Variants in AGBL1 observed in about 807,000 individuals in gnomAD.
AGBL1 encodes the protein AGBL carboxypeptidase 1.
A neutral mutation model predicts 118.9 loss-of-function variants in AGBL1; 130 were observed. That is an observed-to-expected ratio of 1.09 (90% CI 0.95 to 1.26). The LOEUF is 1.26. Ranked by LOEUF, AGBL1 falls within the 50% of genes most tolerant of loss-of-function variation. AGBL1 has a pLI of 0.00. For missense variants in AGBL1, 1,584 were observed against 1,298.1 expected (o/e 1.22, Z -3.38); for synonymous variants, 555 against 478.9 (o/e 1.16, Z -2.08).
intron 19 of AGBL1, 100 bp from the exon 20 acceptor site, chr15:86,545,902 T>C: frequency 7.1e-7 from 1 of 1,413,646 alleles, no homozygotes; most frequent in Non-Finnish European, 9.6e-7. Flanking sequence ...CATTGTAAAC[T>C]TTCTTTGAGC....
intron 22 of AGBL1, among the ~76,000 whole-genome samples, chr15:86,698,461 C>G (rs1028041690): frequency 2.6e-5 from 4 of 151,986 alleles, no homozygotes; most frequent in Non-Finnish European, 5.9e-5. Flanking sequence ...TTTCCCTTCC[C>G]TATACCATGC....
intron 21 of AGBL1, among the ~76,000 whole-genome samples, chr15:86,600,747 T>G (rs1193789365): frequency 6.6e-6 from 1 of 151,810 alleles, no homozygotes; most frequent in East Asian, 1.9e-4. Context: ...CCAAAACAAT[T>G]CCCGAATCTG....
chr15:86,254,369 G>C (rs2078862289), intron 7 of AGBL1, among the ~76,000 whole-genome samples: 1 of 152,200 alleles, frequency 6.6e-6, no homozygotes, highest in South Asian at 2.1e-4. Flanking sequence ...GTATTAATTT[G>C]CCACGGTTAT....
At chr15:86,947,890 ACTGCTAT>A (rs1477622512) in intron 23 of AGBL1, among the ~76,000 whole-genome samples, 1 of 152,180 alleles carries the variant, frequency 6.6e-6, no homozygotes, top group Non-Finnish European at 1.5e-5. Flanking sequence ...TTTCTGCTAT[ACTGCTAT>A]CTGCTATACT....
intron 24 of AGBL1, among the ~76,000 whole-genome samples, chr15:87,012,198 C>T (rs942418799): frequency 1.7e-5 from 2 of 120,054 alleles, no homozygotes; most frequent in Non-Finnish European, 3.3e-5. Context: ...TTTATACACA[C>T]ACACACACAC....
chr15:86,729,736 A>T (rs1198122180), intron 22 of AGBL1, among the ~76,000 whole-genome samples: 1 of 152,182 alleles, frequency 6.6e-6, no homozygotes, highest in Non-Finnish European at 1.5e-5. Flanking sequence ...CAATGAACAT[A>T]TGAGTGCATG....
At chr15:86,503,608 A>G (rs907709739) in intron 18 of AGBL1, among the ~76,000 whole-genome samples, 2 of 151,220 alleles carry the variant, frequency 1.3e-5, no homozygotes, top group Non-Finnish European at 3.0e-5. Flanking sequence ...GTTTTATCCT[A>G]TAAGGTTTGG....
In AGBL1 at chr15:86,292,592, C is replaced by T. The variant is rs113507979; in HGVS notation, c.2221-2663C>T. ...GGAGAAAGAATGGGACAGAGTCTTA[C>T]TAGTGTCTCAAAGGGCAGAGGGCAA... On this transcript the variant is annotated intron_variant, in intron 16 of 22. Coordinates refer to ENST00000614907, the MANE Select transcript of AGBL1 (RefSeq NM_001386094.1). Among the ~76,000 whole-genome samples the T allele has an allele frequency of 9.1e-4, 138 of 152,256 alleles. 1 individual carries two copies. Among genetic ancestry groups the T allele is most frequent in the African/African-American group, 2.4e-3 (99 of 41,546 alleles).
At chr15:86,731,798 A>G (rs775502082) in intron 22 of AGBL1, among the ~76,000 whole-genome samples, 1 of 152,228 alleles carries the variant, frequency 6.6e-6, no homozygotes, top group Non-Finnish European at 1.5e-5. Flanking sequence ...CTTATGTGTA[A>G]GGCAGCAGCT....
intron 21 of AGBL1, among the ~76,000 whole-genome samples, chr15:86,640,622 C>T (rs1206069344): frequency 1.3e-5 from 2 of 151,942 alleles, no homozygotes; most frequent in South Asian, 4.2e-4. Context: ...CAAGTTTAAC[C>T]ATTTCTCTAC....
intron 19 of AGBL1, among the ~76,000 whole-genome samples, chr15:86,534,277 G>C (rs890140328): frequency 1.3e-5 from 2 of 152,148 alleles, no homozygotes; most frequent in Non-Finnish European, 2.9e-5. Context: ...ATGAAGGGTT[G>C]AGTCATTTTC....
intron 22 of AGBL1, among the ~76,000 whole-genome samples, chr15:86,800,356 T>C (rs1203082627): frequency 6.6e-6 from 1 of 152,154 alleles, no homozygotes; most frequent in Non-Finnish European, 1.5e-5. Context: ...ATTTGTGTTT[T>C]TGTATTTGTG....
chr15:86,559,884 A>C (rs1030723921), intron 21 of AGBL1, among the ~76,000 whole-genome samples: 2 of 152,134 alleles, frequency 1.3e-5, no homozygotes, highest in Admixed American at 1.3e-4. Flanking sequence ...TGGAAGCAGG[A>C]GACCCACCTT....
At chr15:86,758,148 C>A (rs781661353) in intron 22 of AGBL1, among the ~76,000 whole-genome samples, 1 of 152,062 alleles carries the variant, frequency 6.6e-6, no homozygotes, top group Non-Finnish European at 1.5e-5. Context: ...CAAAGCCCAC[C>A]ATGTCCACTC....
chr15:86,205,848 C>T (rs1296181260), intron 5 of AGBL1, among the ~76,000 whole-genome samples: 2 of 152,130 alleles, frequency 1.3e-5, no homozygotes, highest in Non-Finnish European at 2.9e-5. Context: ...TTTGATTATA[C>T]TTTAAGTTCT....
At chr15:86,903,616 A>G (rs1190584957) in intron 22 of AGBL1, among the ~76,000 whole-genome samples, 1 of 152,142 alleles carries the variant, frequency 6.6e-6, no homozygotes, top group Non-Finnish European at 1.5e-5. Context: ...TCTTATTTAA[A>G]TCTTCTGTTT....
intron 22 of AGBL1, among the ~76,000 whole-genome samples, chr15:86,738,743 C>T (rs1302216289): frequency 6.6e-6 from 1 of 152,030 alleles, no homozygotes; most frequent in Non-Finnish European, 1.5e-5. Flanking sequence ...CTATTGCAGG[C>T]CTAAGAAGTC....
chr15:86,498,145 G>A (rs1469016198), intron 18 of AGBL1, among the ~76,000 whole-genome samples: 1 of 151,728 alleles, frequency 6.6e-6, no homozygotes, highest in African/African-American at 2.4e-5. Context: ...AAATATCCCA[G>A]GGAGACATAA....
intron 22 of AGBL1, among the ~76,000 whole-genome samples, chr15:86,781,498 T>C (rs567530143): frequency 1.3e-5 from 2 of 152,320 alleles, no homozygotes; most frequent in East Asian, 3.9e-4. Context: ...TCAAAACCAG[T>C]AATTATCATT....
Sources: allele counts gnomAD v4.1 joint callset (sites outside exome capture counted in the v4.1 genomes callset), GRCh38; gene constraint gnomAD v4.1.1; transcripts MANE v1.5; gene names NCBI Gene and HGNC (gene_info 2026-07-23, HGNC 2026-07-21).